The following SORCS2 variants were observed in gnomAD, a reference collection of about 807,000 sequenced individuals.
SORCS2 encodes VPS10 domain-containing receptor SorCS2.
A neutral mutation model predicts 141.6 loss-of-function variants in SORCS2; 100 were observed. That is an observed-to-expected ratio of 0.71 (90% CI 0.60 to 0.83). The LOEUF is 0.83. Among genes scored for constraint, SORCS2 ranks in the 40% least tolerant of loss-of-function variants. SORCS2 has a pLI of 0.00. For missense variants in SORCS2, 1,646 were observed against 1,560.2 expected (o/e 1.05, Z -0.93); for synonymous variants, 789 against 676.9 (o/e 1.17, Z -2.57).
chr4:7,664,453 C>G lies in SORCS2; in HGVS notation c.1053C>G (p.Asp351Glu). Reference protein sequence around the residue: ...PIDHGSLTVQDDYIFFKATSA... With the variant: ...PIDHGSLTVQEDYIFFKATSA... ...ACCACGGGTCTCTGACCGTGCAGGA[C>G]GATTACATCTTCTTTAAGGTAAGGT... The change falls in exon 7 of 27, where the codon GAC (aspartate) becomes GAG (glutamate). Residue 351 changes from aspartate to glutamate, a missense_variant. Asp to Glu is a conservative substitution (Grantham distance 45). Coordinates refer to ENST00000507866, the MANE Select transcript of SORCS2 (RefSeq NM_020777.3). The surrounding 1 kb of genome is among the most constrained non-coding windows in gnomAD (Gnocchi z 4.7). 1 of 1,612,858 alleles carries G rather than the reference C, an allele frequency of 6.2e-7. No homozygotes were observed.
chr4:7,504,796 A>G (rs1047179832), intron 2 of SORCS2, among the ~76,000 whole-genome samples: 1 of 152,160 alleles, frequency 6.6e-6, no homozygotes, highest in Non-Finnish European at 1.5e-5. Flanking sequence ...TGCCTGAACC[A>G]TGGTATGTCT....
intron 1 of SORCS2, among the ~76,000 whole-genome samples, chr4:7,204,055 A>G (rs745682166): frequency 1.3e-4 from 19 of 151,958 alleles, no homozygotes. Flanking sequence ...TCCTTTCTTC[A>G]TGCATCTGTG....
At chr4:7,468,023 A>C (rs986998974) in intron 2 of SORCS2, among the ~76,000 whole-genome samples, 2 of 152,172 alleles carry the variant, frequency 1.3e-5, no homozygotes, top group Non-Finnish European at 2.9e-5. Context: ...ATGGAGCCAC[A>C]CCGAGGTATG....
chr4:7,599,777 G>A (rs1199455534), intron 3 of SORCS2, among the ~76,000 whole-genome samples: 3 of 151,798 alleles, frequency 2.0e-5, no homozygotes, highest in Non-Finnish European at 4.4e-5. Flanking sequence ...TGGGATCTTT[G>A]CCCTAGAGCT....
intron 2 of SORCS2, among the ~76,000 whole-genome samples, chr4:7,494,566 C>A (rs1731500328): frequency 6.6e-6 from 1 of 152,030 alleles, no homozygotes; most frequent in South Asian, 2.1e-4. Context: ...GGCACTGATC[C>A]CCTTGGACCA....
intron 23 of SORCS2, among the ~76,000 whole-genome samples, chr4:7,730,074 T>G (rs1711551372): frequency 6.6e-6 from 1 of 151,996 alleles, no homozygotes; most frequent in African/African-American, 2.4e-5. Flanking sequence ...CACCCAAGGG[T>G]GTGGGTTTCG....
intron 1 of SORCS2, among the ~76,000 whole-genome samples, chr4:7,351,400 C>G (rs543589575): frequency 6.6e-6 from 1 of 152,316 alleles, no homozygotes; most frequent in South Asian, 2.1e-4. Flanking sequence ...GCTCTCCTTC[C>G]AGCTCTGCTC....
chr4:7,603,226 T>A (rs186601946), intron 3 of SORCS2, among the ~76,000 whole-genome samples: 2 of 152,320 alleles, frequency 1.3e-5, no homozygotes, highest in East Asian at 3.9e-4. Flanking sequence ...TCATTATTAT[T>A]GATTTGTAAC....
rs946905994 is a variant in SORCS2 at position 7,703,217 on chromosome 4, C to T, written c.1669-63C>T. On this transcript the variant is annotated intron_variant, in intron 12 of 26. Coordinates refer to ENST00000507866, the MANE Select transcript of SORCS2 (RefSeq NM_020777.3). ...GACAACCCTCCTCCCAGGAGCCGCT[C>T]AGCCTGGAACAACCTCCGACCTTCT... 2.2e-6 allele frequency: 3 copies of T among 1,378,712 alleles called. 1 individual carries two copies. The highest frequency in any genetic ancestry group is 3.0e-6 in the Non-Finnish European group (3 of 1,005,398). The allele number at this position is 1,378,712 out of a possible 1,614,324, so 85.4% of individuals were successfully genotyped here. A position where few individuals can be genotyped will look rare whatever the true frequency, so the allele number is the denominator to read the frequency against.
intron 23 of SORCS2, among the ~76,000 whole-genome samples, chr4:7,730,542 A>G (rs994570704): frequency 1.3e-5 from 2 of 152,240 alleles, no homozygotes; most frequent in Non-Finnish European, 2.9e-5. Flanking sequence ...ACAATGGAAT[A>G]TTCTTTGACC....
chr4:7,666,212 G>T (rs1368233924), intron 7 of SORCS2, among the ~76,000 whole-genome samples: 1 of 152,148 alleles, frequency 6.6e-6, no homozygotes, highest in Non-Finnish European at 1.5e-5. Flanking sequence ...TGGGCATCTT[G>T]GGGGTTTGAA....
rs533649686 is a variant in SORCS2, at chr4:7,722,524, G to A, written c.2425-1173G>A. Among the ~76,000 whole-genome samples, 36 of 152,332 alleles carry A rather than the reference G, an allele frequency of 2.4e-4. No homozygotes were observed. In the South Asian group the frequency reaches 7.0e-3, roughly 30 times the overall value. On this transcript the variant is annotated intron_variant, in intron 18 of 26. Transcript: ENST00000507866. ...ACCTCCTCCAGCTTCCAGGGCTCCC[G>A]GCACTCCTTGGCCCCTGACAGAGTC...
rs1722289508 is a variant in SORCS2, at chr4:7,663,216, A to ATGAGTGAAGAGTGAATAAG, written c.953-1130_953-1129insAGAGTGAATAAGTGAGTGA. ...GAGTGAAGAGTGAATGAGTGAGTGA[A>ATGAGTGAAGAGTGAATAAG]TGAGTGAGTGAAGAGTGAATAAGTG... On this transcript the variant is annotated intron_variant, in intron 6 of 26. Transcript: ENST00000507866. This position sits in a 1 kb window ranked among gnomAD's most constrained non-coding sequence, Gnocchi z 4.8. Among the ~76,000 whole-genome samples the ATGAGTGAAGAGTGAATAAG allele has an allele frequency of 7.3e-5, 11 of 150,924 alleles. No homozygotes were observed. The South Asian group carries it at 2.1e-3, about 29-fold the overall frequency.
At chr4:7,468,496 G>A (rs1285321424) in intron 2 of SORCS2, among the ~76,000 whole-genome samples, 1 of 152,246 alleles carries the variant, frequency 6.6e-6, no homozygotes, top group Non-Finnish European at 1.5e-5. Flanking sequence ...GAGGATGGGG[G>A]TTACTTTCCT....
At chr4:7,296,494 G>A (rs554529866) in intron 1 of SORCS2, among the ~76,000 whole-genome samples, 97 of 152,246 alleles carry the variant, frequency 6.4e-4, no homozygotes, top group African/African-American at 2.1e-3. Context: ...GGCCCTCTGC[G>A]GGACTCCACC....
intron 1 of SORCS2, among the ~76,000 whole-genome samples, chr4:7,211,653 G>A (rs1227789294): frequency 6.6e-6 from 1 of 152,196 alleles, no homozygotes; most frequent in Admixed American, 6.5e-5. Context: ...GATTACAGGT[G>A]TGAGCCACCA....
At chr4:7,630,660 G>C (rs189954198) in intron 3 of SORCS2, among the ~76,000 whole-genome samples, 3 of 152,336 alleles carry the variant, frequency 2.0e-5, no homozygotes, top group Non-Finnish European at 4.4e-5. Context: ...GGGAAGCGCC[G>C]GGTGGAAGAA....
At position 7,193,083 on chromosome 4, in the gene SORCS2, C is replaced by G. The variant is rs558449809; in HGVS notation, c.437C>G (p.Thr146Arg). 225 of 1,561,108 alleles carry G rather than the reference C, an allele frequency of 1.4e-4. 1 individual carries two copies. Among genetic ancestry groups the G allele is most frequent in the South Asian group, 8.8e-4 (77 of 87,556 alleles). The change falls in exon 1 of 27, where the codon ACG (threonine) becomes AGG (arginine). Residue 146 changes from threonine (T) to arginine (R), a missense_variant. Transcript: ENST00000507866. The surrounding 1 kb of genome is among the most constrained non-coding windows in gnomAD (Gnocchi z 4.8). ...TCGTTCGTGCTCAAGGGGGACGCGA[C>G]GCACAACCAGGCGATGGTGCACTGG... The part of the protein sequence containing the change: ...STSFVLKGDA[T>R]HNQAMVHWTG...
chr4:7,634,457 G>A (rs578144344), intron 3 of SORCS2, among the ~76,000 whole-genome samples: 26 of 151,976 alleles, frequency 1.7e-4, no homozygotes, highest in African/African-American at 6.3e-4. Flanking sequence ...GGGCTCCCTG[G>A]GGCCAGAGCT....
Sources: allele counts gnomAD v4.1 joint callset (sites outside exome capture counted in the v4.1 genomes callset), GRCh38; gene constraint gnomAD v4.1.1; non-coding constraint Gnocchi (gnomAD v3.1); transcripts MANE v1.5; gene names NCBI Gene and HGNC (gene_info 2026-07-23, HGNC 2026-07-21).